Variants in CTNNA3 observed in about 807,000 individuals in gnomAD.
CTNNA3 encodes catenin alpha-3.
CTNNA3 carries 76 observed loss-of-function variants against 95.7 expected under a neutral mutation model. That is an observed-to-expected ratio of 0.79 (90% CI 0.66 to 0.96). The LOEUF (loss-of-function observed/expected upper bound fraction) is 0.96. Ranked by LOEUF, CTNNA3 falls within the 40% of genes least tolerant of loss-of-function variation. The pLI, the probability that CTNNA3 is intolerant of heterozygous loss-of-function variation, is 0.00. For synonymous variants in CTNNA3, 431 were observed against 374.4 expected (o/e 1.15, Z -1.74); for missense variants, 1,191 against 1,089.8 (o/e 1.09, Z -1.31).
At chr10:66,352,387 A>C (rs2092573380) in intron 12 of CTNNA3, among the ~76,000 whole-genome samples, 1 of 152,154 alleles carries the variant, frequency 6.6e-6, no homozygotes, top group South Asian at 2.1e-4. Context: ...AGATAGGAGG[A>C]ACCAAATATT....
chr10:66,518,815 AT>A (rs972779282), intron 11 of CTNNA3, among the ~76,000 whole-genome samples: 8 of 151,860 alleles, frequency 5.3e-5, no homozygotes, highest in African/African-American at 1.5e-4. Flanking sequence ...AAGGCCATTA[AT>A]TTTTTTTCCC....
chr10:66,730,368 C>T (rs961248981), intron 9 of CTNNA3, among the ~76,000 whole-genome samples: 2 of 152,092 alleles, frequency 1.3e-5, no homozygotes, highest in African/African-American at 4.8e-5. Flanking sequence ...CTAAACACTG[C>T]ATGTTCTCAC....
chr10:66,977,213 T>C lies in CTNNA3; in HGVS notation c.1048-201689A>G, dbSNP rs527431998. 2.0e-5 allele frequency among the ~76,000 whole-genome samples: 3 copies of C among 152,002 alleles called. No individual in the cohort carries two copies. In the East Asian group the frequency reaches 5.8e-4, roughly 30 times the overall value. On this transcript the variant is annotated intron_variant, in intron 7 of 17. Transcript: ENST00000433211. ...TAGCACTTTGGGAGGCCGAGGCAGG[T>C]GGATCACGAAGTCAAGAGATTGAGA...
chr10:67,639,320 T>A (rs200036712), intron 2 of CTNNA3, among the ~76,000 whole-genome samples: 1 of 152,030 alleles, frequency 6.6e-6, no homozygotes, highest in Non-Finnish European at 1.5e-5. Flanking sequence ...AAGTTGAATC[T>A]CTGAATAGAC....
chr10:67,480,417 T>A (rs1394442278), intron 5 of CTNNA3, among the ~76,000 whole-genome samples: 1 of 152,194 alleles, frequency 6.6e-6, no homozygotes, highest in East Asian at 1.9e-4. Context: ...ACAAAATCTC[T>A]GCAGCCCTGT....
At chr10:66,666,507 T>A (rs900724952) in intron 9 of CTNNA3, among the ~76,000 whole-genome samples, 4 of 152,162 alleles carry the variant, frequency 2.6e-5, no homozygotes, top group Non-Finnish European at 2.9e-5. Flanking sequence ...AAGAGTCTCT[T>A]ATATACTTGA....
At chr10:66,908,783 C>T (rs1846102154) in intron 7 of CTNNA3, among the ~76,000 whole-genome samples, 1 of 152,050 alleles carries the variant, frequency 6.6e-6, no homozygotes, top group African/African-American at 2.4e-5. Context: ...TTTATGGAGT[C>T]ACAAAGCACC....
At chr10:67,322,186 G>A (rs117141389) in intron 5 of CTNNA3, among the ~76,000 whole-genome samples, 1,802 of 151,984 alleles carry the variant, frequency 0.012, 20 homozygotes, top group Non-Finnish European at 0.018. Context: ...TCTCATACGT[G>A]TGTTCAATGG....
chr10:66,716,934 A>G (rs1848470149), intron 9 of CTNNA3, among the ~76,000 whole-genome samples: 1 of 152,086 alleles, frequency 6.6e-6, no homozygotes, highest in African/African-American at 2.4e-5. Context: ...AGACGTGGTG[A>G]GCATTTCTTA....
Position 67,587,964 on chromosome 10 carries a change from A to T in CTNNA3, c.292+18893T>A, listed in dbSNP as rs1031509871. The stretch of plus-strand genomic sequence containing the variant: ...TTAAAGATTTGTCTTCCAGTTCTCA[A>T]ATTCTTTTTTCTACGTAGTCTAGTC... On this transcript the variant is annotated intron_variant, in intron 3 of 17. Coordinates refer to ENST00000433211, the MANE Select transcript of CTNNA3 (RefSeq NM_013266.4). Among the ~76,000 whole-genome samples the T allele has an allele frequency of 1.8e-4, 28 of 152,098 alleles. 1 individual carries two copies. Among genetic ancestry groups the T allele is most frequent in the African/African-American group, 5.3e-4 (22 of 41,522 alleles).
chr10:66,727,597 T>A (rs1238269159), intron 9 of CTNNA3, among the ~76,000 whole-genome samples: 2 of 152,110 alleles, frequency 1.3e-5, no homozygotes, highest in African/African-American at 4.8e-5. Flanking sequence ...TTGGAGAAGT[T>A]ATTCCTTTAA....
At chr10:66,130,010 A>G (rs1361101888) in intron 13 of CTNNA3, among the ~76,000 whole-genome samples, 1 of 152,164 alleles carries the variant, frequency 6.6e-6, no homozygotes. Flanking sequence ...ATTGGCAGGC[A>G]TGAAACCTGC....
At chr10:65,947,781 A>G (rs765995198) in intron 17 of CTNNA3, among the ~76,000 whole-genome samples, 2 of 152,200 alleles carry the variant, frequency 1.3e-5, no homozygotes, top group Non-Finnish European at 2.9e-5. Context: ...ATTCAGTGTT[A>G]TTGACTGAAA....
intron 13 of CTNNA3, among the ~76,000 whole-genome samples, chr10:66,108,043 C>A (rs962151738): frequency 3.9e-5 from 6 of 151,928 alleles, no homozygotes; most frequent in African/African-American, 1.5e-4. Flanking sequence ...AGGAAACATG[C>A]TATGAATGTC....
At chr10:66,522,259 T>G (rs1211527816) in intron 10 of CTNNA3, among the ~76,000 whole-genome samples, 1 of 152,126 alleles carries the variant, frequency 6.6e-6, no homozygotes, top group East Asian at 1.9e-4. Flanking sequence ...GATTTCATCA[T>G]TCTTCCACTC....
At position 66,484,817 on chromosome 10, in the gene CTNNA3, T is replaced by C. The variant is rs572973578; in HGVS notation, c.1531+35800A>G. ...GGCCAATATTCCTGATAAATATACA[T>C]ATAAAAATCCTCAACAAAATACTAG... is the stretch of plus-strand genomic sequence containing the variant. On this transcript the variant is annotated intron_variant, in intron 11 of 17. Transcript: ENST00000433211. Among the ~76,000 whole-genome samples the C allele has an allele frequency of 2.6e-5, 4 of 152,118 alleles. No homozygotes were observed. The East Asian group carries it at 7.7e-4, about 29-fold the overall frequency.
intron 15 of CTNNA3, among the ~76,000 whole-genome samples, chr10:66,054,069 T>C (rs547803976): frequency 1.3e-4 from 20 of 152,328 alleles, no homozygotes; most frequent in Non-Finnish European, 2.4e-4. Context: ...TCATTCTTTT[T>C]ATTGTTGAAT....
At chr10:67,396,878 C>G (rs771794112) in intron 5 of CTNNA3, among the ~76,000 whole-genome samples, 1 of 152,044 alleles carries the variant, frequency 6.6e-6, no homozygotes, top group Non-Finnish European at 1.5e-5. Flanking sequence ...GGCTTTCCCC[C>G]GTTTTGATTG....
At chr10:67,521,014 C>T (rs1839966917) in intron 5 of CTNNA3, among the ~76,000 whole-genome samples, 1 of 152,152 alleles carries the variant, frequency 6.6e-6, no homozygotes, top group African/African-American at 2.4e-5. Context: ...TAGACTCTAT[C>T]CATCATGGAG....
Sources: gnomAD v4.1 joint callset for allele counts (sites outside exome capture counted in the v4.1 genomes callset) on GRCh38, gnomAD v4.1.1 for gene constraint, MANE v1.5 for transcripts, NCBI Gene and HGNC (gene_info 2026-07-23, HGNC 2026-07-21) for gene names.